The following TOGARAM1 variants were observed in gnomAD, a reference collection of about 807,000 sequenced individuals.
The protein encoded by TOGARAM1 is TOG array regulator of axonemal microtubules protein 1.
TOGARAM1 carries 100 observed loss-of-function variants against 166.6 expected under a neutral mutation model. That is an observed-to-expected ratio of 0.60 (90% CI 0.51 to 0.71). TOGARAM1 has a LOEUF of 0.71. Among genes scored for constraint, TOGARAM1 ranks in the 30% least tolerant of loss-of-function variants. TOGARAM1 has a pLI of 0.00. For synonymous variants in TOGARAM1, 758 were observed against 763.8 expected (o/e 0.99, Z 0.13); for missense variants, 2,029 against 2,102.7 (o/e 0.96, Z 0.69).
chr14:45,047,536 CAG>C (rs1216480953), intron 14 of TOGARAM1, among the ~76,000 whole-genome samples: 1 of 152,074 alleles, frequency 6.6e-6, no homozygotes, highest in Non-Finnish European at 1.5e-5. Context: ...TAAGAACAGT[CAG>C]AGAAAAACAA....
At position 45,052,564 on chromosome 14, in the gene TOGARAM1, T is replaced by C; in HGVS notation, c.4440+2T>C. The C allele has an allele frequency of 6.3e-7, 1 of 1,586,156 alleles. No individual in the cohort carries two copies. The highest frequency in any genetic ancestry group is 1.3e-5 in the African/African-American group (1 of 74,258). On this transcript the variant is annotated splice_donor_variant, in intron 15 of 19. Transcript: ENST00000361462. LOFTEE classifies it high-confidence loss of function. Reference sequence around the variant, plus strand: ...TCTGTTAGAAACTTACAGCAAAAGGTATGTGGGAAAAGTTTGTTTTATAAA... The same window carrying C: ...TCTGTTAGAAACTTACAGCAAAAGGCATGTGGGAAAAGTTTGTTTTATAAA...
intron 14 of TOGARAM1, 26 bp downstream of exon 14, chr14:45,046,729 A>G: frequency 2.4e-6 from 3 of 1,253,964 alleles, no homozygotes; most frequent in Non-Finnish European, 3.0e-6. Context: ...TGTTTGCTAA[A>G]TCTATTATTA....
chr14:45,024,356 T>C (rs1880702029), intron 7 of TOGARAM1, among the ~76,000 whole-genome samples: 1 of 152,152 alleles, frequency 6.6e-6, no homozygotes, highest in Non-Finnish European at 1.5e-5. Flanking sequence ...TATAATGATA[T>C]TTGTGTGTGA....
rs1455126466 is a variant in TOGARAM1, at chr14:45,073,547, T to C, written c.5308T>C (p.Leu1770=). ...SLEELLDMTI[L]NEL ...GGAGGAATTACTCGATATGACAATT[T>C]TAAATGAATTATGAATCTTCGATAA... The change falls in exon 20 of 20, where the codon TTA becomes CTA. Residue 1770 remains leucine (L), a synonymous_variant. Coordinates refer to ENST00000361462, the MANE Select transcript of TOGARAM1 (RefSeq NM_001308120.2). 1.2e-6 allele frequency: 2 copies of C among 1,612,732 alleles called. No individual in the cohort carries two copies. The highest frequency in any genetic ancestry group is 1.7e-6 in the Non-Finnish European group (2 of 1,179,436).
intron 3 of TOGARAM1, among the ~76,000 whole-genome samples, chr14:45,001,759 A>T (rs990871734): frequency 1.3e-5 from 2 of 152,204 alleles, no homozygotes; most frequent in Non-Finnish European, 2.9e-5. Context: ...ATTTTCCGTA[A>T]CAGTTTTAAA....
At chr14:45,022,681 T>C (rs1251213485) in intron 7 of TOGARAM1, among the ~76,000 whole-genome samples, 2 of 152,114 alleles carry the variant, frequency 1.3e-5, no homozygotes, top group Non-Finnish European at 2.9e-5. Flanking sequence ...TTCTGAGTAC[T>C]GTGGCTTGGT....
chr14:45,009,814 TCTGTGACCCTA>T (rs1393537397), intron 6 of TOGARAM1, among the ~76,000 whole-genome samples: 2 of 152,242 alleles, frequency 1.3e-5, no homozygotes, highest in African/African-American at 4.8e-5. Flanking sequence ...TCTGGACAGC[TCTGTGACCCTA>T]CTGTAGGATT....
chr14:45,006,223 C>G lies in TOGARAM1; in HGVS notation c.2860C>G (p.Leu954Val). Reference sequence around the variant, plus strand: ...TGAAAAAGATAGTCTTCCAATTGATCTTTCAGAATTAAATTTCAAGGATAA... The same window carrying G: ...TGAAAAAGATAGTCTTCCAATTGATGTTTCAGAATTAAATTTCAAGGATAA... ...KCEKDSLPIDLSELNFKDKDL... is the reference protein window; with the variant it reads ...KCEKDSLPIDVSELNFKDKDL... The change falls in exon 5 of 20, where the codon CTT (leucine) becomes GTT (valine). Residue 954 changes from leucine (L) to valine (V), a missense_variant. Leu to Val is a conservative substitution (Grantham distance 32). This residue lies in a region of TOGARAM1 where 1,453 missense variants were observed against 1,432.2 expected (regional missense o/e 1.01). Coordinates refer to ENST00000361462, the MANE Select transcript of TOGARAM1 (RefSeq NM_001308120.2). The G allele has an allele frequency of 6.2e-7, 1 of 1,612,518 alleles. No homozygotes were observed. Among genetic ancestry groups the G allele is most frequent in the East Asian group, 2.2e-5 (1 of 44,876 alleles).
intron 10 of TOGARAM1, among the ~76,000 whole-genome samples, chr14:45,028,708 C>G (rs1881001879): frequency 6.6e-6 from 1 of 152,106 alleles, no homozygotes; most frequent in African/African-American, 2.4e-5. Context: ...TGAGTACCTA[C>G]TATGTTTTGT....
At chr14:45,027,176 G>A in intron 8 of TOGARAM1, 123 bp from the exon 9 acceptor site, 1 of 853,274 alleles carries the variant, frequency 1.2e-6, no homozygotes, top group Middle Eastern at 2.3e-4. Flanking sequence ...TAATTATTTA[G>A]CATGTTTTTC....
intron 4 of TOGARAM1, among the ~76,000 whole-genome samples, chr14:45,005,615 A>C (rs933578870): frequency 6.6e-6 from 1 of 152,198 alleles, no homozygotes; most frequent in Non-Finnish European, 1.5e-5. Flanking sequence ...ACTCTGTCTC[A>C]AAAAATAAAT....
chr14:44,994,306 A>G (rs1887306301), intron 1 of TOGARAM1, among the ~76,000 whole-genome samples: 2 of 151,952 alleles, frequency 1.3e-5, no homozygotes, highest in Admixed American at 6.5e-5. Context: ...TTTACTATGG[A>G]TGGGGTTTCA....
Position 44,987,748 on chromosome 14 carries a change from T to C in TOGARAM1, c.2047-7998T>C, listed in dbSNP as rs1341500554. On this transcript the variant is annotated intron_variant, in intron 1 of 19. Transcript: ENST00000361462. ...AATACCATTTGACCCAGCCATCCCATTACTGGGTATATACCCAAAGGACTA... is the reference window on the plus strand; with the variant it reads ...AATACCATTTGACCCAGCCATCCCACTACTGGGTATATACCCAAAGGACTA... Among the ~76,000 whole-genome samples the C allele has an allele frequency of 4.0e-5, 6 of 149,730 alleles. No homozygotes were observed. The South Asian group carries it at 1.1e-3, about 27-fold the overall frequency.
In TOGARAM1 at chr14:45,012,065, C is replaced by T; in HGVS notation, c.3228C>T (p.Ser1076=). 1 of 1,591,862 alleles carries T rather than the reference C, an allele frequency of 6.3e-7. No individual in the cohort carries two copies. The highest frequency in any genetic ancestry group is 8.6e-7 in the Non-Finnish European group (1 of 1,168,128). ...KKKISHIAEQ[S]PSAGSSSNPQ... is the part of the protein sequence containing the mutation. ...AAATTTCTCATATTGCTGAACAAAGCCCCAGTGCAGGTATTCTATGTCTGT... is the reference window on the plus strand; with the variant it reads ...AAATTTCTCATATTGCTGAACAAAGTCCCAGTGCAGGTATTCTATGTCTGT... The change falls in exon 7 of 20, where the codon AGC becomes AGT. Residue 1076 remains serine (S), a synonymous_variant. Transcript: ENST00000361462.
At chr14:44,999,119 T>C (rs1385129918) in intron 2 of TOGARAM1, among the ~76,000 whole-genome samples, 3 of 152,054 alleles carry the variant, frequency 2.0e-5, no homozygotes, top group Non-Finnish European at 4.4e-5. Context: ...CTTTTGCAGA[T>C]ATTCTTCAAC....
At chr14:44,997,962 G>T (rs775687702) in intron 2 of TOGARAM1, among the ~76,000 whole-genome samples, 1 of 152,184 alleles carries the variant, frequency 6.6e-6, no homozygotes, top group Non-Finnish European at 1.5e-5. Flanking sequence ...AGAAGGTAAA[G>T]ATTTGACTAT....
intron 2 of TOGARAM1, chr14:44,996,705 C>T (rs1273380045): frequency 6.5e-6 from 1 of 152,738 alleles, no homozygotes; most frequent in Non-Finnish European, 1.5e-5. Context: ...TTAATTGGCT[C>T]ATGGTTCTAT....
intron 16 of TOGARAM1, among the ~76,000 whole-genome samples, chr14:45,055,972 C>T (rs1382535497): frequency 1.3e-5 from 2 of 151,090 alleles, no homozygotes; most frequent in Non-Finnish European, 2.9e-5. Flanking sequence ...CTGCTTTTGG[C>T]AGTATGGTCG....
chr14:44,996,419 T>C (rs1287521169), intron 2 of TOGARAM1: 1 of 152,090 alleles, frequency 6.6e-6, no homozygotes, highest in African/African-American at 2.4e-5. Context: ...GTTTGAGAAA[T>C]ACCAAAGAGA....
Sources: gnomAD v4.1 joint callset for allele counts (sites outside exome capture counted in the v4.1 genomes callset) on GRCh38, gnomAD v4.1.1 for gene constraint, gnomAD v4.1.1 regional missense constraint, MANE v1.5 for transcripts, NCBI Gene and HGNC (gene_info 2026-07-23, HGNC 2026-07-21) for gene names.